Variants in MLLT6 observed in about 807,000 individuals in gnomAD.
The protein encoded by MLLT6 is MLLT6, PHD finger containing.
In MLLT6, 22 loss-of-function variants were observed where a neutral mutation model predicts 103.0. That is an observed-to-expected ratio of 0.21 (90% confidence interval 0.15 to 0.31). The LOEUF (loss-of-function observed/expected upper bound fraction) is 0.31, where lower values mean the gene tolerates loss of function less well. MLLT6 is among the 10% of genes least tolerant of loss of function. The pLI is 1.00. For missense variants in MLLT6, 1,199 were observed against 1,441.7 expected (o/e 0.83, Z 2.73); for synonymous variants, 606 against 623.5 (o/e 0.97, Z 0.42).
At chr17:38,722,797 T>C (rs1323474228) in intron 18 of MLLT6, 29 bp downstream of exon 18, 1 of 1,527,020 alleles carries the variant, frequency 6.5e-7, no homozygotes, top group Non-Finnish European at 9.1e-7. Context: ...CTGCCTCAGG[T>C]GCCCCTTGGT....
chr17:38,709,153 G>A lies in MLLT6; in HGVS notation c.355-20G>A, dbSNP rs375236581. 6.3e-6 allele frequency: 10 copies of A among 1,598,246 alleles called. No individual in the cohort carries two copies. The highest frequency in any genetic ancestry group is 1.1e-5 in the South Asian group (1 of 89,938). ...ACAGGGGCTCCCTGGAGGAGGGGAC[G>A]ATTGCGCTGTGTCCTGCAGACCTGT... On this transcript the variant is annotated intron_variant, in intron 4 of 19. Coordinates refer to ENST00000621332, the MANE Select transcript of MLLT6 (RefSeq NM_005937.4). The surrounding 1 kb of genome is among the most constrained non-coding windows in gnomAD (Gnocchi z 4.3).
At chr17:38,725,416 C>G (rs1449438014) in intron 19 of MLLT6, 141 bp from the exon 20 acceptor site, 5 of 735,028 alleles carry the variant, frequency 6.8e-6, no homozygotes, top group Non-Finnish European at 1.1e-5. Flanking sequence ...TGGTGCACAC[C>G]CCTCAGAGCC....
At position 38,727,995 on chromosome 17, in the gene MLLT6, C is replaced by G. The variant is rs545918377; in HGVS notation, c.*2397C>G. 4.3e-6 allele frequency: 1 copy of G among 233,122 alleles called. No homozygotes were observed. Among genetic ancestry groups the G allele is most frequent in the Admixed American group, 5.6e-5 (1 of 17,790 alleles). 14.4% of individuals were successfully genotyped at this position (233,122 alleles called of 1,614,324 possible). A position where few individuals can be genotyped will look rare whatever the true frequency, so the allele number is the denominator to read the frequency against. On this transcript the variant is annotated 3_prime_UTR_variant, in exon 20 of 20. Coordinates refer to ENST00000621332, the MANE Select transcript of MLLT6 (RefSeq NM_005937.4). ...ATTCTGTGCATTGAAACCAAGACAC[C>G]CCACCCAGAACACTTCTTCCCTCCC...
At chr17:38,705,799 C>T in intron 1 of MLLT6, 58 bp downstream of exon 1, 2 of 765,334 alleles carry the variant, frequency 2.6e-6, no homozygotes, top group Non-Finnish European at 3.5e-6. Context: ...CGCGGGGCGC[C>T]CCCGGCCGCG....
chr17:38,724,224 C>T lies in MLLT6; in HGVS notation c.2884-396C>T, dbSNP rs1011872473. Reference sequence around the variant, plus strand: ...TCAGCCAATATCGCACCACTGTACTCCAGCCTGGGTGACAGAGCAAGACTC... The same window carrying T: ...TCAGCCAATATCGCACCACTGTACTTCAGCCTGGGTGACAGAGCAAGACTC... On this transcript the variant is annotated intron_variant, in intron 18 of 19. Coordinates refer to ENST00000621332, the MANE Select transcript of MLLT6 (RefSeq NM_005937.4). This position sits in a 1 kb window ranked among gnomAD's most constrained non-coding sequence, Gnocchi z 5.4. The T allele has an allele frequency of 5.3e-5, 9 of 168,408 alleles. No homozygotes were observed. Among genetic ancestry groups the T allele is most frequent in the Admixed American group, 5.1e-4 (8 of 15,762 alleles). 10.4% of individuals were successfully genotyped at this position (168,408 alleles called of 1,614,324 possible).
intron 12 of MLLT6, 51 bp from the exon 13 acceptor site, chr17:38,719,466 T>A (rs769741263): frequency 6.7e-7 from 1 of 1,503,750 alleles, no homozygotes; most frequent in Non-Finnish European, 9.1e-7. Context: ...GCGGGGACCC[T>A]GAGGCAGCTA....
rs774080088 is a variant in MLLT6 at position 38,719,482 on chromosome 17, C to A, written c.1943-35C>A. The A allele has an allele frequency of 6.4e-6, 10 of 1,569,590 alleles. No individual in the cohort carries two copies. The South Asian group carries it at 8.1e-5, about 13-fold the overall frequency. On this transcript the variant is annotated intron_variant, in intron 12 of 19. Transcript: ENST00000621332. ...CGGGGACCCTGAGGCAGCTACCACT[C>A]CTCCACGCTGATCCCAGCCTTCCCT...
intron 18 of MLLT6, among the ~76,000 whole-genome samples, chr17:38,723,449 G>A (rs955033495): frequency 1.1e-4 from 17 of 152,194 alleles, no homozygotes; most frequent in East Asian, 1.9e-4. Context: ...CTGAGATGGC[G>A]CCAATACACT....
intron 18 of MLLT6, among the ~76,000 whole-genome samples, chr17:38,723,802 G>A (rs1567931406): frequency 1.3e-5 from 2 of 151,346 alleles, no homozygotes; most frequent in Non-Finnish European, 2.9e-5. Flanking sequence ...GAGTGCAATG[G>A]CATGATATCG....
chr17:38,706,841 ACTG>A (rs1269546139), intron 1 of MLLT6, 106 bp from the exon 2 acceptor site: 2 of 834,484 alleles, frequency 2.4e-6, no homozygotes, highest in Non-Finnish European at 3.8e-6. Flanking sequence ...AGCAGCCCCC[ACTG>A]CTGGAACTGG....
Position 38,720,514 on chromosome 17 carries a change from T to C in MLLT6, c.2298T>C (p.Ala766=), listed in dbSNP as rs1382413682. 6 of 1,612,158 alleles carry C rather than the reference T, an allele frequency of 3.7e-6. No individual in the cohort carries two copies. The highest frequency in any genetic ancestry group is 5.1e-6 in the Non-Finnish European group (6 of 1,179,654). ...QLSVPFPALP[A]ALPAANGPVP... ...CTGTGCCCTTCCCTGCCCTGCCTGC[T>C]GCCCTGCCTGCCGCCAACGGCCCTG... The change falls in exon 15 of 20, where the codon GCT becomes GCC. Residue 766 remains alanine (A), a synonymous_variant. Coordinates refer to ENST00000621332, the MANE Select transcript of MLLT6 (RefSeq NM_005937.4).
chr17:38,715,378 CCTT>C (rs1905288897), intron 8 of MLLT6: 3 of 536,118 alleles, frequency 5.6e-6, no homozygotes, highest in Non-Finnish European at 3.1e-6. Flanking sequence ...AAGACAGACA[CCTT>C]CTTGGGTTCA....
chr17:38,713,217 G>T (rs1224574100), intron 8 of MLLT6: 1 of 554,440 alleles, frequency 1.8e-6, no homozygotes, highest in African/African-American at 1.9e-5. Context: ...GGTTGGAGGG[G>T]CTGAAAGTTC....
At chr17:38,718,468 A>G (rs1165780622) in intron 12 of MLLT6, 1 of 138,788 alleles carries the variant, frequency 7.2e-6, no homozygotes, top group Non-Finnish European at 1.5e-5. Flanking sequence ...CCTGTCTCTT[A>G]AAAAAAAAAA....
chr17:38,712,300 A>G (rs573680130), intron 7 of MLLT6, among the ~76,000 whole-genome samples: 3 of 152,290 alleles, frequency 2.0e-5, no homozygotes, highest in South Asian at 4.1e-4. Flanking sequence ...ACGTCTCCGC[A>G]GTCCAGCCAT....
rs1377198938 is a variant in MLLT6 at position 38,727,253 on chromosome 17, ATAATAT to A, written c.*1663_*1668del. On this transcript the variant is annotated 3_prime_UTR_variant, in exon 20 of 20. Coordinates refer to ENST00000621332, the MANE Select transcript of MLLT6 (RefSeq NM_005937.4). The stretch of plus-strand genomic sequence containing the variant: ...CTGTTTTTTTTTTCTGATACTGAAA[ATAATAT>A]TAATATTCCTGTTGATAAGACTTTG... 3 of 230,818 alleles carry A rather than the reference ATAATAT, an allele frequency of 1.3e-5. No homozygotes were observed. The highest frequency in any genetic ancestry group is 4.5e-5 in the African/African-American group (2 of 44,866). The allele number at this position is 230,818 out of a possible 1,614,324, so 14.3% of individuals were successfully genotyped here.
Position 38,724,784 on chromosome 17 carries a change from G to A in MLLT6, c.3048G>A (p.Ala1016=), listed in dbSNP as rs778177674. 14 of 1,607,006 alleles carry A rather than the reference G, an allele frequency of 8.7e-6. No homozygotes were observed. The highest frequency in any genetic ancestry group is 6.7e-5 in the South Asian group (6 of 89,962). The stretch of plus-strand genomic sequence containing the variant: ...GTACCCCTGGCCTGCTGCCCACAGC[G>A]TCTGCTCCACCCCTGCTGCCCGCTG... ...SAGTPGLLPT[A]SAPPLLPAGA... The change falls in exon 19 of 20, where the codon GCG becomes GCA. Residue 1016 remains alanine (A), a synonymous_variant. Coordinates refer to ENST00000621332, the MANE Select transcript of MLLT6 (RefSeq NM_005937.4). The surrounding 1 kb of genome is among the most constrained non-coding windows in gnomAD (Gnocchi z 5.4).
Position 38,727,129 on chromosome 17 carries a change from T to C in MLLT6, c.*1531T>C, listed in dbSNP as rs1375544537. 1 of 232,314 alleles carries C rather than the reference T, an allele frequency of 4.3e-6. No homozygotes were observed. Among genetic ancestry groups the C allele is most frequent in the South Asian group, 1.8e-4 (1 of 5,502 alleles). The allele number at this position is 232,314 out of a possible 1,614,324, so 14.4% of individuals were successfully genotyped here. On this transcript the variant is annotated 3_prime_UTR_variant, in exon 20 of 20. Transcript: ENST00000621332. ...TGTGTTTCTGTTTGGGTTTTTGTTG[T>C]TGGGTTTTTTTTTTTTTTTTAATAA...
chr17:38,712,051 G>A lies in MLLT6; in HGVS notation c.720+37G>A, dbSNP rs201396116. 2.2e-5 allele frequency: 33 copies of A among 1,509,450 alleles called. No individual in the cohort carries two copies. In the East Asian group the frequency reaches 2.6e-4, roughly 12 times the overall value. The allele number at this position is 1,509,450 out of a possible 1,614,324, so 93.5% of individuals were successfully genotyped here. On this transcript the variant is annotated intron_variant, in intron 7 of 19. Coordinates refer to ENST00000621332, the MANE Select transcript of MLLT6 (RefSeq NM_005937.4). ...CCCCCACCTGCCATCACTCCCACAC[G>A]GGGACTTGGAGACTCACAAACATGG...
Sources: allele counts gnomAD v4.1 joint callset (sites outside exome capture counted in the v4.1 genomes callset), GRCh38; gene constraint gnomAD v4.1.1; non-coding constraint Gnocchi (gnomAD v3.1); transcripts MANE v1.5; gene names NCBI Gene and HGNC (gene_info 2026-07-23, HGNC 2026-07-21).